Variants in ZNF652 observed in about 807,000 individuals in gnomAD.
The protein encoded by ZNF652 is zinc finger protein 652.
A neutral mutation model predicts 45.2 loss-of-function variants in ZNF652; 16 were observed. The observed-to-expected ratio is 0.35, with a 90% confidence interval of 0.24 to 0.54. The LOEUF (loss-of-function observed/expected upper bound fraction) is 0.54, where lower values mean the gene tolerates loss of function less well. Among genes scored for constraint, ZNF652 ranks in the 20% least tolerant of loss-of-function variants. ZNF652 has a pLI of 0.91. For missense variants in ZNF652, 614 were observed against 765.6 expected (o/e 0.80, Z 2.34); for synonymous variants, 250 against 260.6 (o/e 0.96, Z 0.39).
chr17:49,360,392 T>C lies in ZNF652; in HGVS notation c.-259+1517A>G, dbSNP rs117541329. Among the ~76,000 whole-genome samples, 20 of 152,324 alleles carry C rather than the reference T, an allele frequency of 1.3e-4. No homozygotes were observed. The East Asian group carries it at 3.9e-3, about 29-fold the overall frequency. ...CATACAAAATTATGTGTCTATTTAATGGAGAAGACGGTTCTAAAGACTTCC... is the reference window on the plus strand; with the variant it reads ...CATACAAAATTATGTGTCTATTTAACGGAGAAGACGGTTCTAAAGACTTCC... On this transcript the variant is annotated intron_variant, in intron 1 of 5. Transcript: ENST00000430262.
Position 49,294,200 on chromosome 17 carries a change from CTCA to C in ZNF652, c.*4210_*4212del, listed in dbSNP as rs1382854362. ...TAAAAAATTCATAGTTTATAAGCATCTCATCAGAGCATTTTGCTTTCGGTTAGT... is the reference window on the plus strand; with the variant it reads ...TAAAAAATTCATAGTTTATAAGCATCTCAGAGCATTTTGCTTTCGGTTAGT... On this transcript the variant is annotated 3_prime_UTR_variant, in exon 6 of 6. Coordinates refer to ENST00000430262, the MANE Select transcript of ZNF652 (RefSeq NM_001145365.3). Among the ~76,000 whole-genome samples, 1 of 152,114 alleles carries C rather than the reference CTCA, an allele frequency of 6.6e-6. No homozygotes were observed. Among genetic ancestry groups the C allele is most frequent in the African/African-American group, 2.4e-5 (1 of 41,428 alleles).
At chr17:49,316,590 A>G (rs2069807459) in intron 2 of ZNF652, among the ~76,000 whole-genome samples, 1 of 152,238 alleles carries the variant, frequency 6.6e-6, no homozygotes, top group Non-Finnish European at 1.5e-5. Context: ...TCAATCAACT[A>G]TAACAGATCC....
At position 49,330,938 on chromosome 17, in the gene ZNF652, G is replaced by A. The variant is rs539712583; in HGVS notation, c.-258-12955C>T. On this transcript the variant is annotated intron_variant, in intron 1 of 5. Coordinates refer to ENST00000430262, the MANE Select transcript of ZNF652 (RefSeq NM_001145365.3). ...AACCAAAAAACAAAATTAGCTGGGCGTGGTGACACATGCCTGTAATCCCAG... is the reference window on the plus strand; with the variant it reads ...AACCAAAAAACAAAATTAGCTGGGCATGGTGACACATGCCTGTAATCCCAG... 1.5e-4 allele frequency among the ~76,000 whole-genome samples: 22 copies of A among 151,162 alleles called. No homozygotes were observed. In the East Asian group the frequency reaches 3.5e-3, roughly 24 times the overall value.
At chr17:49,308,262 G>C (rs938314210) in intron 5 of ZNF652, among the ~76,000 whole-genome samples, 2 of 151,628 alleles carry the variant, frequency 1.3e-5, no homozygotes, top group Non-Finnish European at 2.9e-5. Flanking sequence ...CTGCAGCCTC[G>C]ATCTCTTGGG....
chr17:49,360,510 T>C (rs1340156374), intron 1 of ZNF652, among the ~76,000 whole-genome samples: 1 of 152,128 alleles, frequency 6.6e-6, no homozygotes, highest in East Asian at 1.9e-4. Context: ...CTAAAGGTAT[T>C]ACCTATCTGA....
chr17:49,356,729 AT>A (rs2070341524), intron 1 of ZNF652, among the ~76,000 whole-genome samples: 1 of 152,174 alleles, frequency 6.6e-6, no homozygotes, highest in South Asian at 2.1e-4. Flanking sequence ...AGGTGGCTCA[AT>A]AATAAAAGAA....
intron 5 of ZNF652, among the ~76,000 whole-genome samples, chr17:49,307,728 G>C (rs1398359764): frequency 6.6e-6 from 1 of 152,018 alleles, no homozygotes; most frequent in African/African-American, 2.4e-5. Context: ...CTCCAGCCTG[G>C]GCAACAGAGC....
chr17:49,336,904 G>A (rs1273561877), intron 1 of ZNF652, among the ~76,000 whole-genome samples: 1 of 148,490 alleles, frequency 6.7e-6, no homozygotes, highest in African/African-American at 2.5e-5. Flanking sequence ...ATAGGCATGA[G>A]CGACCACACC....
chr17:49,315,046 T>TTG (rs1194144994), intron 2 of ZNF652, among the ~76,000 whole-genome samples: 1 of 148,380 alleles, frequency 6.7e-6, no homozygotes, highest in Non-Finnish European at 1.5e-5. Flanking sequence ...TAGTTTGTTT[T>TTG]TTTTTTTTTT....
At chr17:49,342,083 G>A (rs2070153607) in intron 1 of ZNF652, among the ~76,000 whole-genome samples, 1 of 152,048 alleles carries the variant, frequency 6.6e-6, no homozygotes, top group African/African-American at 2.4e-5. Context: ...CTACTCAGGA[G>A]GCTGAGGCAG....
chr17:49,356,085 G>T (rs1189089030), intron 1 of ZNF652, among the ~76,000 whole-genome samples: 1 of 151,808 alleles, frequency 6.6e-6, no homozygotes, highest in Non-Finnish European at 1.5e-5. Context: ...CTAAAAAAGG[G>T]TTTGAAATTA....
At chr17:49,312,544 A>G (rs542756337) in intron 3 of ZNF652, among the ~76,000 whole-genome samples, 154 bp downstream of exon 3, 23 of 152,254 alleles carry the variant, frequency 1.5e-4, no homozygotes, top group African/African-American at 5.5e-4. Context: ...TATACCATCC[A>G]ATTTGGTGAT....
Position 49,293,347 on chromosome 17 carries a change from G to A in ZNF652, c.*5066C>T, listed in dbSNP as rs1290977163. Reference sequence around the variant, plus strand: ...GCTTCAAAGCTGGAACAACCAAGGAGTTTGATTTTCCTTTGAATCTTGCAA... The same window carrying A: ...GCTTCAAAGCTGGAACAACCAAGGAATTTGATTTTCCTTTGAATCTTGCAA... On this transcript the variant is annotated 3_prime_UTR_variant, in exon 6 of 6. Coordinates refer to ENST00000430262, the MANE Select transcript of ZNF652 (RefSeq NM_001145365.3). Among the ~76,000 whole-genome samples, 1 of 152,152 alleles carries A rather than the reference G, an allele frequency of 6.6e-6. No homozygotes were observed. The highest frequency in any genetic ancestry group is 1.5e-5 in the Non-Finnish European group (1 of 68,012).
rs1371108510 is a variant in ZNF652 at position 49,293,831 on chromosome 17, T to A, written c.*4582A>T. On this transcript the variant is annotated 3_prime_UTR_variant, in exon 6 of 6. Transcript: ENST00000430262. ...TGATACAATTCTTAAATGTAATGTA[T>A]CCCTTTTTTCATTAAGTACTTCTCA... is the stretch of plus-strand genomic sequence containing the variant. Among the ~76,000 whole-genome samples the A allele has an allele frequency of 6.6e-6, 1 of 152,164 alleles. No homozygotes were observed. Among genetic ancestry groups the A allele is most frequent in the Admixed American group, 6.5e-5 (1 of 15,270 alleles).
chr17:49,313,138 C>A (rs2069740838), intron 2 of ZNF652, among the ~76,000 whole-genome samples: 1 of 152,106 alleles, frequency 6.6e-6, no homozygotes, highest in Non-Finnish European at 1.5e-5. Context: ...TAGTATTGTA[C>A]CTATGAAAAG....
At chr17:49,353,526 G>C (rs75762089) in intron 1 of ZNF652, among the ~76,000 whole-genome samples, 3,919 of 151,932 alleles carry the variant, frequency 0.026, 160 homozygotes, top group African/African-American at 0.086. Context: ...ACCCGGGCTA[G>C]AGTGATGTGA....
At position 49,294,494 on chromosome 17, in the gene ZNF652, T is replaced by C. The variant is rs1326011822; in HGVS notation, c.*3919A>G. On this transcript the variant is annotated 3_prime_UTR_variant, in exon 6 of 6. Coordinates refer to ENST00000430262, the MANE Select transcript of ZNF652 (RefSeq NM_001145365.3). The stretch of plus-strand genomic sequence containing the variant: ...AAATATATGTGGAAATGAAGCCACA[T>C]GCCTTTAAATTGTTGTCTTTTCTTC... 1.3e-5 allele frequency: 2 copies of C among 152,214 alleles called. No homozygotes were observed. Among genetic ancestry groups the C allele is most frequent in the African/African-American group, 4.8e-5 (2 of 41,470 alleles). 9.4% of individuals were successfully genotyped at this position (152,214 alleles called of 1,614,324 possible). A position where few individuals can be genotyped will look rare whatever the true frequency, so the allele number is the denominator to read the frequency against.
At chr17:49,333,800 TAG>T (rs1374411026) in intron 1 of ZNF652, among the ~76,000 whole-genome samples, 4 of 151,612 alleles carry the variant, frequency 2.6e-5, no homozygotes, top group Non-Finnish European at 4.4e-5. Flanking sequence ...TATTCAGCAT[TAG>T]TGAAATGCAA....
At chr17:49,309,559 T>C (rs2069680913) in intron 5 of ZNF652, among the ~76,000 whole-genome samples, 1 of 150,818 alleles carries the variant, frequency 6.6e-6, no homozygotes, top group Non-Finnish European at 1.5e-5. Context: ...ACTTATGCTG[T>C]TTAGTTCCAT....
Sources: allele counts gnomAD v4.1 joint callset (sites outside exome capture counted in the v4.1 genomes callset), GRCh38; gene constraint gnomAD v4.1.1; transcripts MANE v1.5; gene names NCBI Gene and HGNC (gene_info 2026-07-23, HGNC 2026-07-21).